The following ULK4 variants were observed in gnomAD, a reference collection of about 807,000 sequenced individuals.
The protein encoded by ULK4 is inactive serine/threonine-protein kinase ULK4.
ULK4 carries 133 observed loss-of-function variants against 160.6 expected under a neutral mutation model. That is an observed-to-expected ratio of 0.83 (90% CI 0.72 to 0.96). ULK4 has a LOEUF of 0.96. Ranked by LOEUF, ULK4 falls within the 40% of genes least tolerant of loss-of-function variation. ULK4 has a pLI of 0.00. For missense variants in ULK4, 1,580 were observed against 1,499.5 expected, an observed-to-expected ratio of 1.05 and a Z score of -0.89; for synonymous variants, 534 against 539.8, an observed-to-expected ratio of 0.99 and a Z score of 0.15.
intron 35 of ULK4, among the ~76,000 whole-genome samples, chr3:41,286,309 C>T (rs988685204): frequency 6.6e-6 from 1 of 152,094 alleles, no homozygotes; most frequent in Non-Finnish European, 1.5e-5. Context: ...GTGAGTGGGG[C>T]TGAGAGAGAC....
At chr3:41,800,937 G>T (rs529491131) in intron 19 of ULK4, among the ~76,000 whole-genome samples, 3 of 152,270 alleles carry the variant, frequency 2.0e-5, no homozygotes, top group African/African-American at 7.2e-5. Flanking sequence ...ATTTTAAAAA[G>T]TTCCGCATCC....
chr3:41,409,328 A>G (rs2125825743), intron 34 of ULK4, among the ~76,000 whole-genome samples: 2 of 152,318 alleles, frequency 1.3e-5, no homozygotes, highest in Middle Eastern at 6.8e-3. Context: ...AGGTTAGACA[A>G]TGCTTTCTTA....
intron 27 of ULK4, among the ~76,000 whole-genome samples, chr3:41,684,768 T>C (rs1320338493): frequency 6.6e-6 from 1 of 152,262 alleles, no homozygotes; most frequent in Non-Finnish European, 1.5e-5. Context: ...AATTACCATC[T>C]GAGCCTTAAA....
intron 19 of ULK4, among the ~76,000 whole-genome samples, chr3:41,809,061 G>T (rs2040738058): frequency 6.6e-6 from 1 of 151,682 alleles, no homozygotes; most frequent in Non-Finnish European, 1.5e-5. Flanking sequence ...AGCTACTCAG[G>T]ATGCTGAGGC....
At chr3:41,721,362 ATTTTT>A (rs1192444773) in intron 22 of ULK4, among the ~76,000 whole-genome samples, 32 of 27,950 alleles carry the variant, frequency 1.1e-3, no homozygotes, top group African/African-American at 2.5e-3. Flanking sequence ...ATATATATAT[ATTTTT>A]TTTTTTTTTT....
intron 30 of ULK4, among the ~76,000 whole-genome samples, chr3:41,659,524 C>A (rs991984112): frequency 6.6e-6 from 1 of 152,182 alleles, no homozygotes; most frequent in Admixed American, 6.5e-5. Context: ...TAAAATTACT[C>A]TGAAATAACT....
At chr3:41,739,935 TTATA>T (rs1232541803) in intron 22 of ULK4, among the ~76,000 whole-genome samples, 4 of 151,946 alleles carry the variant, frequency 2.6e-5, no homozygotes, top group Admixed American at 1.3e-4. Context: ...AAATTAACTA[TTATA>T]TATGATGCAA....
chr3:41,642,388 G>A lies in ULK4; in HGVS notation c.3071+21219C>T, dbSNP rs182468825. On this transcript the variant is annotated intron_variant, in intron 30 of 36. Coordinates refer to ENST00000301831, the MANE Select transcript of ULK4 (RefSeq NM_017886.4). The stretch of plus-strand genomic sequence containing the variant: ...CAGAGAGTGATGTTCCCCTTCCTGC[G>A]TCCATGTGTTCTCATTGTTCAATTC... 8.3e-4 allele frequency among the ~76,000 whole-genome samples: 126 copies of A among 151,620 alleles called. 1 individual carries two copies. The highest frequency in any genetic ancestry group is 2.8e-3 in the African/African-American group (117 of 41,286).
intron 34 of ULK4, among the ~76,000 whole-genome samples, chr3:41,429,633 G>A (rs1329504309): frequency 6.6e-6 from 1 of 151,998 alleles, no homozygotes; most frequent in African/African-American, 2.4e-5. Flanking sequence ...GCAAACTAAT[G>A]CAGGAACGAA....
At chr3:41,535,477 T>C (rs537512970) in intron 32 of ULK4, among the ~76,000 whole-genome samples, 285 of 152,332 alleles carry the variant, frequency 1.9e-3, no homozygotes, top group Non-Finnish European at 2.8e-3. Flanking sequence ...TATTATAGTA[T>C]CCATATTAGA....
At chr3:41,833,323 T>C (rs1202331344) in intron 18 of ULK4, among the ~76,000 whole-genome samples, 1 of 149,892 alleles carries the variant, frequency 6.7e-6, no homozygotes, top group Non-Finnish European at 1.5e-5. Flanking sequence ...TGAGATGCCA[T>C]CTTGCTCTGT....
At chr3:41,643,424 C>G (rs1575518766) in intron 30 of ULK4, among the ~76,000 whole-genome samples, 1 of 152,300 alleles carries the variant, frequency 6.6e-6, no homozygotes, top group East Asian at 1.9e-4. Flanking sequence ...AGCCAGTTTT[C>G]CCAGCACCAT....
rs554981853 is a variant in ULK4, at chr3:41,487,390, C to T, written c.3227-24137G>A. Among the ~76,000 whole-genome samples the T allele has an allele frequency of 4.9e-4, 74 of 152,082 alleles. 1 individual carries two copies. In the South Asian group the frequency reaches 0.011, roughly 22 times the overall value. On this transcript the variant is annotated intron_variant, in intron 32 of 36. Coordinates refer to ENST00000301831, the MANE Select transcript of ULK4 (RefSeq NM_017886.4). The stretch of plus-strand genomic sequence containing the variant: ...ATTTGAAAAGATAAATGCATAAGAA[C>T]GGTGGGATATTTTTGTAAAAAGAGA...
At chr3:41,825,768 A>G (rs2041324102) in intron 18 of ULK4, among the ~76,000 whole-genome samples, 1 of 152,074 alleles carries the variant, frequency 6.6e-6, no homozygotes, top group Admixed American at 6.5e-5. Flanking sequence ...TCCCCAATCT[A>G]GCAAGGCAGG....
intron 13 of ULK4, 105 bp from the exon 14 acceptor site, chr3:41,898,597 A>G: frequency 1.5e-6 from 1 of 673,808 alleles, no homozygotes. Context: ...GGACAAAAAA[A>G]GAATGTGCAA....
At chr3:41,356,605 A>T (rs1366490691) in intron 35 of ULK4, among the ~76,000 whole-genome samples, 2 of 152,098 alleles carry the variant, frequency 1.3e-5, no homozygotes, top group South Asian at 2.1e-4. Context: ...TATTTTTTTT[A>T]ACATTTTCAC....
intron 34 of ULK4, among the ~76,000 whole-genome samples, chr3:41,443,496 G>A (rs1268577710): frequency 1.3e-5 from 2 of 152,160 alleles, no homozygotes; most frequent in African/African-American, 2.4e-5. Context: ...AGTCACTAAT[G>A]GTGATGTGCA....
intron 2 of ULK4, among the ~76,000 whole-genome samples, chr3:41,949,740 T>C (rs949552261): frequency 6.7e-6 from 1 of 148,710 alleles, no homozygotes; most frequent in East Asian, 1.9e-4. Context: ...TGCCTTTTTT[T>C]TTTTCTTTCT....
At chr3:41,386,677 C>A (rs1232086860) in intron 35 of ULK4, among the ~76,000 whole-genome samples, 1 of 152,114 alleles carries the variant, frequency 6.6e-6, no homozygotes, top group Non-Finnish European at 1.5e-5. Flanking sequence ...AGTCACCAGA[C>A]CTGGTTGATT....
Sources: gnomAD v4.1 joint callset for allele counts (sites outside exome capture counted in the v4.1 genomes callset) on GRCh38, gnomAD v4.1.1 for gene constraint, MANE v1.5 for transcripts, NCBI Gene and HGNC (gene_info 2026-07-23, HGNC 2026-07-21) for gene names.